TRHDE: variants seen among roughly 807,000 people sequenced by gnomAD.
TRHDE encodes thyrotropin-releasing hormone-degrading ectoenzyme.
In TRHDE, 72 loss-of-function variants were observed where a neutral mutation model predicts 125.7. That is an observed-to-expected ratio of 0.57 (90% CI 0.47 to 0.70). The LOEUF is 0.70. TRHDE is among the 30% of genes least tolerant of loss of function. TRHDE has a pLI of 0.00. For missense variants in TRHDE, 1,110 were observed against 1,327.1 expected (o/e 0.84, Z 2.54); for synonymous variants, 509 against 509.1 (o/e 1.00, Z 0.00).
chr12:72,310,408 TA>T (rs1335216907), intron 2 of TRHDE, among the ~76,000 whole-genome samples: 1 of 152,364 alleles, frequency 6.6e-6, no homozygotes, highest in East Asian at 1.9e-4. Flanking sequence ...TTCACTTACT[TA>T]AAAATCTTGA....
intron 2 of TRHDE, among the ~76,000 whole-genome samples, chr12:72,169,701 T>A (rs1876828266): frequency 6.6e-6 from 1 of 151,566 alleles, no homozygotes; most frequent in African/African-American, 2.4e-5. Flanking sequence ...TAAATAATAA[T>A]AATAATAACA....
At chr12:72,361,764 C>T (rs1871097619) in intron 2 of TRHDE, among the ~76,000 whole-genome samples, 1 of 142,662 alleles carries the variant, frequency 7.0e-6, no homozygotes, top group Non-Finnish European at 1.5e-5. Context: ...TTCCTGTGTC[C>T]ATGTGATCTC....
chr12:72,322,787 G>A (rs1285531235), intron 2 of TRHDE, among the ~76,000 whole-genome samples: 1 of 152,134 alleles, frequency 6.6e-6, no homozygotes. Flanking sequence ...CTCAGTGCTA[G>A]CTAGCTATAT....
At chr12:72,629,191 G>A (rs1565815674) in intron 15 of TRHDE, among the ~76,000 whole-genome samples, 1 of 151,684 alleles carries the variant, frequency 6.6e-6, no homozygotes, top group Non-Finnish European at 1.5e-5. Flanking sequence ...TCATACACTT[G>A]TATTCCTTTT....
chr12:72,214,240 C>T lies in TRHDE; in HGVS notation n.279+108488C>T, dbSNP rs969059049. On this transcript the variant is annotated intron_variant and non_coding_transcript_variant, in intron 2 of 4. Transcript: ENST00000548156. ...GCACTGCATTCTGAATGCTGAAACG[C>T]AACACTTCGTAGAATGTAAAATAAA... Among the ~76,000 whole-genome samples the T allele has an allele frequency of 3.7e-4, 56 of 152,100 alleles. 4 individuals carry two copies. Among genetic ancestry groups the T allele is most frequent in the Non-Finnish European group, 7.4e-5 (5 of 68,010 alleles).
chr12:72,362,341 T>G, intron 2 of TRHDE, among the ~76,000 whole-genome samples: 1 of 150,196 alleles, frequency 6.7e-6, no homozygotes, highest in East Asian at 2.0e-4. Flanking sequence ...TCATGTGTTT[T>G]TTGGCTGCAT....
intron 2 of TRHDE, among the ~76,000 whole-genome samples, chr12:72,220,174 T>C (rs1000871321): frequency 2.0e-5 from 3 of 152,150 alleles, no homozygotes; most frequent in African/African-American, 4.8e-5. Context: ...AAGCCTTATA[T>C]GACTTGGATT....
chr12:72,092,678 A>G (rs141837575), intron 1 of TRHDE, among the ~76,000 whole-genome samples: 17 of 152,340 alleles, frequency 1.1e-4, no homozygotes, highest in Admixed American at 8.5e-4. Context: ...GTGCAATGTG[A>G]TGTTTGGTGT....
chr12:72,141,120 G>A (rs1293654965), intron 2 of TRHDE, among the ~76,000 whole-genome samples: 1 of 151,898 alleles, frequency 6.6e-6, no homozygotes, highest in Admixed American at 6.6e-5. Context: ...AAGATATAAG[G>A]CACCTTGTAT....
At chr12:72,489,636 T>C (rs963311603) in intron 5 of TRHDE, among the ~76,000 whole-genome samples, 12 of 151,922 alleles carry the variant, frequency 7.9e-5, no homozygotes, top group Admixed American at 5.2e-4. Context: ...GTACTGGCAT[T>C]AAACTAGACA....
At chr12:72,431,092 T>C (rs941352483) in intron 3 of TRHDE, among the ~76,000 whole-genome samples, 4 of 152,172 alleles carry the variant, frequency 2.6e-5, no homozygotes, top group Non-Finnish European at 5.9e-5. Context: ...AGCTTATTTT[T>C]TGCATATTGA....
At chr12:72,388,182 A>G (rs1251885712) in intron 3 of TRHDE, among the ~76,000 whole-genome samples, 2 of 152,086 alleles carry the variant, frequency 1.3e-5, no homozygotes, top group South Asian at 4.1e-4. Flanking sequence ...TTTTCATTCA[A>G]ATAGATGCAT....
At chr12:72,533,550 AC>A (rs1214033553) in intron 6 of TRHDE, among the ~76,000 whole-genome samples, 2 of 150,934 alleles carry the variant, frequency 1.3e-5, no homozygotes, top group Non-Finnish European at 3.0e-5. Flanking sequence ...AGTTTTAAAA[AC>A]TTTTTTCTGT....
intron 15 of TRHDE, among the ~76,000 whole-genome samples, chr12:72,625,005 T>A (rs1873202066): frequency 6.6e-6 from 1 of 151,700 alleles, no homozygotes; most frequent in South Asian, 2.1e-4. Context: ...GAATAGAAAT[T>A]GGTTTCTTTC....
intron 2 of TRHDE, chr12:72,263,543 C>T (rs575876423): frequency 4.6e-5 from 7 of 152,046 alleles, no homozygotes; most frequent in South Asian, 4.1e-4. Context: ...GCTCCTATAC[C>T]GAATCCATAG....
chr12:72,251,011 C>A (rs1267650500), intron 2 of TRHDE, among the ~76,000 whole-genome samples: 5 of 151,554 alleles, frequency 3.3e-5, no homozygotes, highest in Admixed American at 3.3e-4. Context: ...AGAAATAATA[C>A]AGAAAGATTC....
At chr12:72,187,449 T>G (rs866855674) in intron 2 of TRHDE, among the ~76,000 whole-genome samples, 154 of 98,128 alleles carry the variant, frequency 1.6e-3, no homozygotes, top group African/African-American at 4.0e-3. Context: ...GTGGGGGGGG[T>G]GGTGGTGGTG....
intron 12 of TRHDE, among the ~76,000 whole-genome samples, chr12:72,597,535 G>A: frequency 1.3e-5 from 2 of 151,052 alleles, no homozygotes; most frequent in Admixed American, 6.6e-5. Flanking sequence ...AGGCGTGGTG[G>A]CATGTGCCTG....
intron 2 of TRHDE, among the ~76,000 whole-genome samples, chr12:72,314,185 A>G (rs1160073481): frequency 6.6e-6 from 1 of 152,090 alleles, no homozygotes; most frequent in African/African-American, 2.4e-5. Context: ...GTTTTATCAC[A>G]TGTGAGCTGA....
Sources: allele counts gnomAD v4.1 joint callset (sites outside exome capture counted in the v4.1 genomes callset), GRCh38; gene constraint gnomAD v4.1.1; transcripts MANE v1.5; gene names NCBI Gene and HGNC (gene_info 2026-07-23, HGNC 2026-07-21).